The following CSMD1 variants were observed in gnomAD, a reference collection of about 807,000 sequenced individuals.
CSMD1 encodes the protein CUB and Sushi multiple domains 1.
A neutral mutation model predicts 417.5 loss-of-function variants in CSMD1; 213 were observed. The observed-to-expected ratio is 0.51, with a 90% CI of 0.46 to 0.57. The LOEUF is 0.57. CSMD1 is among the 20% of genes least tolerant of loss of function. The pLI, the probability that CSMD1 is intolerant of heterozygous loss-of-function variation, is 0.00. For synonymous variants in CSMD1, 2,862 were observed against 1,736.8 expected (o/e 1.65, Z -16.11); for missense variants, 6,923 against 4,529.7 (o/e 1.53, Z -15.17).
chr8:3,140,593 T>C (rs1010356157), intron 41 of CSMD1, among the ~76,000 whole-genome samples: 1 of 152,036 alleles, frequency 6.6e-6, no homozygotes, highest in African/African-American at 2.4e-5. Context: ...CTATATTTTA[T>C]ATTTTAGGTG....
intron 17 of CSMD1, among the ~76,000 whole-genome samples, chr8:3,394,747 T>C (rs939648482): frequency 4.6e-5 from 7 of 152,166 alleles, no homozygotes; most frequent in African/African-American, 1.7e-4. Context: ...ACAACTCGAA[T>C]GGACATTTTA....
intron 10 of CSMD1, among the ~76,000 whole-genome samples, chr8:3,540,365 T>G (rs1392754642): frequency 6.6e-6 from 1 of 152,116 alleles, no homozygotes; most frequent in Non-Finnish European, 1.5e-5. Flanking sequence ...GAATCTCCTT[T>G]AAAATCAAGT....
intron 5 of CSMD1, among the ~76,000 whole-genome samples, chr8:3,849,660 G>T (rs1173268257): frequency 2.0e-5 from 3 of 152,170 alleles, no homozygotes; most frequent in Non-Finnish European, 2.9e-5. Context: ...TCCCCAGGGA[G>T]GGGTCGATTT....
intron 6 of CSMD1, among the ~76,000 whole-genome samples, chr8:3,715,531 G>A (rs187977661): frequency 2.6e-5 from 4 of 152,152 alleles, no homozygotes; most frequent in Non-Finnish European, 4.4e-5. Context: ...GACAAAGCAA[G>A]CAACCTTTTT....
intron 10 of CSMD1, among the ~76,000 whole-genome samples, chr8:3,507,567 G>T (rs997334772): frequency 6.6e-6 from 1 of 152,104 alleles, no homozygotes; most frequent in Non-Finnish European, 1.5e-5. Flanking sequence ...CTAGATCCCT[G>T]AGGAATCGCC....
chr8:4,488,255 T>C (rs536887572), intron 2 of CSMD1, among the ~76,000 whole-genome samples: 14 of 152,198 alleles, frequency 9.2e-5, no homozygotes, highest in African/African-American at 3.1e-4. Context: ...TGAATAAGAC[T>C]CCCTGGGAGC....
chr8:3,100,292 A>G (rs1233858875), intron 46 of CSMD1, among the ~76,000 whole-genome samples: 8 of 152,144 alleles, frequency 5.3e-5, no homozygotes, highest in Non-Finnish European at 1.2e-4. Flanking sequence ...GGGCTCAAGC[A>G]ATCCTTCCAC....
chr8:3,287,554 C>T (rs915161981), intron 25 of CSMD1, among the ~76,000 whole-genome samples: 1 of 152,070 alleles, frequency 6.6e-6, no homozygotes, highest in Non-Finnish European at 1.5e-5. Flanking sequence ...ATTTTATTCT[C>T]TTTGAAGCAA....
intron 5 of CSMD1, among the ~76,000 whole-genome samples, chr8:3,924,792 G>A (rs531948171): frequency 7.9e-5 from 12 of 151,828 alleles, no homozygotes; most frequent in South Asian, 4.2e-4. Context: ...CTCTCTATTC[G>A]TGTTATCCTG....
chr8:3,884,070 C>T (rs1806390152), intron 5 of CSMD1, among the ~76,000 whole-genome samples: 1 of 152,262 alleles, frequency 6.6e-6, no homozygotes, highest in Admixed American at 6.5e-5. Context: ...GTTTCAAAAT[C>T]ATTATTTTCC....
At chr8:4,623,727 A>C (rs1801917895) in intron 2 of CSMD1, among the ~76,000 whole-genome samples, 7 of 152,074 alleles carry the variant, frequency 4.6e-5, no homozygotes, top group African/African-American at 1.5e-4. Flanking sequence ...TTAGGCATAT[A>C]CAGATGTGTG....
intron 1 of CSMD1, among the ~76,000 whole-genome samples, chr8:4,774,765 T>C (rs888601705): frequency 6.6e-6 from 1 of 152,114 alleles, no homozygotes; most frequent in African/African-American, 2.4e-5. Context: ...CCAGGAGACC[T>C]TGTTGTTTAA....
At chr8:4,556,654 T>C (rs1166797385) in intron 2 of CSMD1, among the ~76,000 whole-genome samples, 2 of 152,212 alleles carry the variant, frequency 1.3e-5, no homozygotes, top group African/African-American at 4.8e-5. Context: ...AGGATAGTGA[T>C]AGTGCAATGC....
chr8:3,544,173 G>C (rs1373266180), intron 10 of CSMD1, among the ~76,000 whole-genome samples: 1 of 152,036 alleles, frequency 6.6e-6, no homozygotes, highest in Admixed American at 6.6e-5. Context: ...TGTATTCCTA[G>C]CCTCTAGAGG....
At chr8:4,564,121 T>C (rs1188061073) in intron 2 of CSMD1, among the ~76,000 whole-genome samples, 2 of 152,202 alleles carry the variant, frequency 1.3e-5, no homozygotes, top group Non-Finnish European at 2.9e-5. Flanking sequence ...TTCCAATATT[T>C]ATATTCTATA....
At chr8:4,304,382 G>C (rs530768393) in intron 3 of CSMD1, among the ~76,000 whole-genome samples, 2 of 152,112 alleles carry the variant, frequency 1.3e-5, no homozygotes, top group Non-Finnish European at 2.9e-5. Context: ...AGCTCATGTT[G>C]TAAATAGAGA....
rs148969862 is a variant in CSMD1 at position 4,618,266 on chromosome 8, G to A, written c.302+19076C>T. On this transcript the variant is annotated intron_variant, in intron 2 of 69. Coordinates refer to ENST00000635120, the MANE Select transcript of CSMD1 (RefSeq NM_033225.6). Reference sequence around the variant, plus strand: ...GACCTCATAAATGTGCTTCAATGGCGCCTCTTTTGTAATATTGCTAAGCTC... The same window carrying A: ...GACCTCATAAATGTGCTTCAATGGCACCTCTTTTGTAATATTGCTAAGCTC... Among the ~76,000 whole-genome samples, 74 of 149,480 alleles carry A rather than the reference G, an allele frequency of 5.0e-4. 1 individual carries two copies. The highest frequency in any genetic ancestry group is 1.1e-3 in the South Asian group (5 of 4,638).
At chr8:3,579,548 G>A (rs1800294241) in intron 9 of CSMD1, among the ~76,000 whole-genome samples, 1 of 151,982 alleles carries the variant, frequency 6.6e-6, no homozygotes, top group African/African-American at 2.4e-5. Context: ...TATGTTTTTA[G>A]GAGAAATCAT....
intron 1 of CSMD1, among the ~76,000 whole-genome samples, chr8:4,737,090 C>T (rs1256279911): frequency 1.3e-5 from 2 of 152,078 alleles, no homozygotes; most frequent in Non-Finnish European, 2.9e-5. Context: ...AACCTACATG[C>T]CCATCAATGA....
Sources: allele counts gnomAD v4.1 joint callset (sites outside exome capture counted in the v4.1 genomes callset), GRCh38; gene constraint gnomAD v4.1.1; transcripts MANE v1.5; gene names NCBI Gene and HGNC (gene_info 2026-07-23, HGNC 2026-07-21).